Variants in AHRR observed in about 807,000 individuals in gnomAD.
AHRR encodes ahR repressor.
In AHRR, 28 loss-of-function variants were observed where a neutral mutation model predicts 44.0. That is an observed-to-expected ratio of 0.64 (90% CI 0.47 to 0.87). The LOEUF is 0.87. Among genes scored for constraint, AHRR ranks in the 40% least tolerant of loss-of-function variants. The probability of loss-of-function intolerance (pLI) is 0.00; values close to 1 mark genes in which losing one functional copy is unlikely to be tolerated. For synonymous variants in AHRR, 434 were observed against 407.0 expected, an observed-to-expected ratio of 1.07 and a Z score of -0.80; for missense variants, 990 against 953.9, an observed-to-expected ratio of 1.04 and a Z score of -0.50.
chr5:332,228 AGAG>A (rs1741946524), intron 1 of AHRR, among the ~76,000 whole-genome samples: 2 of 151,676 alleles, frequency 1.3e-5, no homozygotes, highest in South Asian at 4.2e-4. Context: ...AGGAGGAAGA[AGAG>A]GAAAAAAAGA....
At chr5:408,712 A>C (rs1337562730) in intron 4 of AHRR, among the ~76,000 whole-genome samples, 1 of 152,140 alleles carries the variant, frequency 6.6e-6, no homozygotes, top group East Asian at 1.9e-4. Flanking sequence ...AGGACTACAA[A>C]TTTTCCTTCA....
At chr5:409,798 G>GT (rs1250620641) in intron 4 of AHRR, among the ~76,000 whole-genome samples, 1 of 151,950 alleles carries the variant, frequency 6.6e-6, no homozygotes, top group African/African-American at 2.4e-5. Context: ...AATTTATCAA[G>GT]TTTTTTCTTT....
intron 3 of AHRR, among the ~76,000 whole-genome samples, chr5:355,955 C>T (rs1743024348): frequency 6.6e-6 from 1 of 152,230 alleles, no homozygotes. Flanking sequence ...GTCATTTCCA[C>T]GTATAATTAG....
chr5:382,547 A>G (rs893661521), intron 4 of AHRR, among the ~76,000 whole-genome samples: 6 of 151,960 alleles, frequency 3.9e-5, no homozygotes, highest in African/African-American at 1.4e-4. Context: ...TTTCTTGGTC[A>G]GTTGAGTTAC....
At chr5:379,269 C>T (rs999554681) in intron 4 of AHRR, among the ~76,000 whole-genome samples, 3 of 152,100 alleles carry the variant, frequency 2.0e-5, no homozygotes, top group Non-Finnish European at 2.9e-5. Flanking sequence ...TGCTGCGGGC[C>T]GCTGGTTTGT....
In AHRR at chr5:376,713, G is replaced by A. The variant is rs1216257650; in HGVS notation, c.348G>A (p.Leu116=). 4 of 1,605,156 alleles carry A rather than the reference G, an allele frequency of 2.5e-6. No homozygotes were observed. In the South Asian group the frequency reaches 4.5e-5, roughly 18 times the overall value. ...GSAVLEGRLL[L]ESLNGFALVV... ...CCGTGCTGGAGGGAAGGCTGCTGTT[G>A]GAGGTGAGTGCCACCCTTGGTACCT... The change falls in exon 4 of 11, where the codon TTG becomes TTA. Residue 116 remains leucine, a synonymous_variant. Coordinates refer to ENST00000684583, the MANE Select transcript of AHRR (RefSeq NM_001377236.1).
At chr5:421,205 A>G in intron 5 of AHRR, 6 of 670,042 alleles carry the variant, frequency 9.0e-6, no homozygotes, top group Non-Finnish European at 1.6e-5. Context: ...GCCCTTGCGG[A>G]CCCAGCGGCC....
chr5:416,425 A>T (rs114072395), intron 5 of AHRR, among the ~76,000 whole-genome samples: 1,996 of 152,364 alleles, frequency 0.013, 45 homozygotes, highest in African/African-American at 0.045. Flanking sequence ...GTCTCCTACC[A>T]CAGAGTGACA....
chr5:422,301 C>T, intron 5 of AHRR: 1 of 283,618 alleles, frequency 3.5e-6, no homozygotes, highest in African/African-American at 2.3e-5. Flanking sequence ...GTCCTTGAGG[C>T]ATCGTGAAAG....
At chr5:415,987 G>A (rs1337100153) in intron 5 of AHRR, among the ~76,000 whole-genome samples, 1 of 152,202 alleles carries the variant, frequency 6.6e-6, no homozygotes, top group Non-Finnish European at 1.5e-5. Context: ...GTCTCCCTGT[G>A]AACTGCAAGG....
chr5:420,800 GCCAC>G lies in AHRR; in HGVS notation c.442-1928_442-1925del, dbSNP rs1736050672. ...GACACCTCCGCGCTGCACGCACGCAGCCACGCAGCCACCCACCCACGCAGCCACC... is the reference window on the plus strand; with the variant it reads ...GACACCTCCGCGCTGCACGCACGCAGGCAGCCACCCACCCACGCAGCCACC... On this transcript the variant is annotated intron_variant, in intron 5 of 10. Coordinates refer to ENST00000684583, the MANE Select transcript of AHRR (RefSeq NM_001377236.1). 2 of 104,474 alleles carry G rather than the reference GCCAC, an allele frequency of 1.9e-5. 1 individual carries two copies. The highest frequency in any genetic ancestry group is 3.6e-5 in the Non-Finnish European group (2 of 55,916). The allele number at this position is 104,474 out of a possible 1,614,324, so 6.5% of individuals were successfully genotyped here.
In AHRR at chr5:411,721, A is replaced by G. The variant is rs1371056288; in HGVS notation, c.352-1623A>G. Among the ~76,000 whole-genome samples, 1 of 152,268 alleles carries G rather than the reference A, an allele frequency of 6.6e-6. No homozygotes were observed. Among genetic ancestry groups the G allele is most frequent in the Non-Finnish European group, 1.5e-5 (1 of 68,050 alleles). On this transcript the variant is annotated intron_variant, in intron 4 of 10. Transcript: ENST00000684583. The surrounding 1 kb of genome is among the most constrained non-coding windows in gnomAD (Gnocchi z 4.2). ...AAAAAGGAAAATAAAAGTACCCAGC[A>G]TGGTCCAGATTTAAGGGAAATTAGT... is the stretch of plus-strand genomic sequence containing the variant.
At chr5:373,998 T>A (rs1179563579) in intron 3 of AHRR, among the ~76,000 whole-genome samples, 1 of 151,344 alleles carries the variant, frequency 6.6e-6, no homozygotes, top group Non-Finnish European at 1.5e-5. Context: ...CCGCCGCACC[T>A]ACGCGCTTCT....
At chr5:432,976 C>A (rs747064354) in intron 10 of AHRR, 29 bp downstream of exon 10, 2 of 1,555,260 alleles carry the variant, frequency 1.3e-6, no homozygotes, top group South Asian at 2.4e-5. Context: ...CCTCCCCCAG[C>A]CCTGGCAGCT....
intron 4 of AHRR, among the ~76,000 whole-genome samples, chr5:381,506 C>CTTTTTTTTTTT (rs781159124): frequency 1.1e-4 from 5 of 46,914 alleles, no homozygotes; most frequent in Non-Finnish European, 1.5e-4. Context: ...CTTAGGTTTG[C>CTTTTTTTTTTT]TTTTTTTTTT....
chr5:425,307 AT>A (rs1180216141), intron 7 of AHRR, among the ~76,000 whole-genome samples: 2 of 152,204 alleles, frequency 1.3e-5, no homozygotes, highest in Non-Finnish European at 2.9e-5. Context: ...GCTAGGGACA[AT>A]AAAGTTTTAT....
rs1363661498 is a variant in AHRR, at chr5:326,960, G to A, written c.-11+5141G>A. Among the ~76,000 whole-genome samples the A allele has an allele frequency of 1.3e-5, 2 of 152,156 alleles. No individual in the cohort carries two copies. Among genetic ancestry groups the A allele is most frequent in the Non-Finnish European group, 2.9e-5 (2 of 68,020 alleles). On this transcript the variant is annotated intron_variant, in intron 1 of 10. Transcript: ENST00000684583. This position sits in a 1 kb window ranked among gnomAD's most constrained non-coding sequence, Gnocchi z 4.1. ...TGTAGTCCCAGCTACTCAGGAGGCT[G>A]AGGCAGGAGAATCTCTTGAACCCAG...
intron 7 of AHRR, among the ~76,000 whole-genome samples, chr5:424,304 C>T (rs1709735): frequency 8.8e-3 from 624 of 70,582 alleles, no homozygotes; most frequent in Admixed American, 0.015. Flanking sequence ...CTTTAACCCA[C>T]GTGTCTCTGG....
In AHRR at chr5:432,866, G is replaced by A. The variant is rs1020931424; in HGVS notation, c.1031G>A (p.Trp344Ter). The A allele has an allele frequency of 6.2e-7, 1 of 1,613,714 alleles. No individual in the cohort carries two copies. The highest frequency in any genetic ancestry group is 8.5e-7 in the Non-Finnish European group (1 of 1,180,036). Residue 344 changes from tryptophan to a stop codon, truncating the protein, a stop_gained, in exon 10 of 11, where the codon TGG (tryptophan) becomes TAG (stop). Coordinates refer to ENST00000684583, the MANE Select transcript of AHRR (RefSeq NM_001377236.1). LOFTEE classifies it high-confidence loss of function. ...AGGGAACAGACTGACGCTGGCCGAT[G>A]GGCACAGGTTCCCGCCAGGGCCCCA... is the stretch of plus-strand genomic sequence containing the variant. Reference protein sequence around the residue: ...VLREQTDAGRWAQVPARAPCL... With the variant: ...VLREQTDAGR
Sources: gnomAD v4.1 joint callset for allele counts (sites outside exome capture counted in the v4.1 genomes callset) on GRCh38, gnomAD v4.1.1 for gene constraint, Gnocchi (gnomAD v3.1) non-coding constraint, MANE v1.5 for transcripts, NCBI Gene and HGNC (gene_info 2026-07-23, HGNC 2026-07-21) for gene names.